COL15A1: variants seen among roughly 807,000 people sequenced by gnomAD.
COL15A1 encodes collagen type XV alpha 1 chain.
COL15A1 carries 111 observed loss-of-function variants against 165.9 expected under a neutral mutation model. The observed-to-expected ratio is 0.67, with a 90% CI of 0.57 to 0.78. COL15A1 has a LOEUF of 0.78. Among genes scored for constraint, COL15A1 ranks in the 30% least tolerant of loss-of-function variants. The pLI is 0.00. For synonymous variants in COL15A1, 659 were observed against 674.8 expected, an observed-to-expected ratio of 0.98 and a Z score of 0.36; for missense variants, 1,745 against 1,789.7, an observed-to-expected ratio of 0.98 and a Z score of 0.45.
intron 8 of COL15A1, among the ~76,000 whole-genome samples, chr9:99,004,635 T>G (rs1199429292): frequency 6.6e-6 from 1 of 152,190 alleles, no homozygotes; most frequent in East Asian, 1.9e-4. Flanking sequence ...GAAGGGCTAT[T>G]GGTGAGCACA....
At chr9:99,056,618 AGTTAT>A (rs1248961895) in intron 35 of COL15A1, among the ~76,000 whole-genome samples, 1 of 152,148 alleles carries the variant, frequency 6.6e-6, no homozygotes, top group Non-Finnish European at 1.5e-5. Context: ...ATATTCATGA[AGTTAT>A]GCAGTCATCA....
intron 39 of COL15A1, among the ~76,000 whole-genome samples, chr9:99,063,399 A>G (rs2117983353): frequency 6.6e-6 from 1 of 152,282 alleles, no homozygotes; most frequent in Middle Eastern, 3.4e-3. Context: ...AGAGAGGCAA[A>G]GGGAAGATGG....
At chr9:99,011,172 G>C (rs1002486530) in intron 9 of COL15A1, among the ~76,000 whole-genome samples, 1 of 152,140 alleles carries the variant, frequency 6.6e-6, no homozygotes, top group East Asian at 1.9e-4. Flanking sequence ...TTTATTAAGA[G>C]TAAAGCAATA....
At position 98,944,040 on chromosome 9, in the gene COL15A1, C is replaced by T. The variant is rs765553416; in HGVS notation, c.-22C>T. 1.2e-6 allele frequency: 2 copies of T among 1,613,802 alleles called. No homozygotes were observed. Among genetic ancestry groups the T allele is most frequent in the South Asian group, 2.2e-5 (2 of 91,040 alleles). ...TCTGCTCGACTAGCCGCGCGCCTTCCGGGGCTCCGCAGACCCGCGAGATGG... is the reference window on the plus strand; with the variant it reads ...TCTGCTCGACTAGCCGCGCGCCTTCTGGGGCTCCGCAGACCCGCGAGATGG... On this transcript the variant is annotated 5_prime_UTR_variant, in exon 1 of 42. Transcript: ENST00000375001.
intron 16 of COL15A1, among the ~76,000 whole-genome samples, chr9:99,027,565 C>T (rs1314479395): frequency 6.6e-6 from 1 of 152,096 alleles, no homozygotes; most frequent in Non-Finnish European, 1.5e-5. Context: ...CACACACACC[C>T]CTCCCATACT....
intron 39 of COL15A1, among the ~76,000 whole-genome samples, chr9:99,066,599 G>GTTTTTT (rs67961829): frequency 0.027 from 1,906 of 70,906 alleles, 194 homozygotes; most frequent in African/African-American, 0.076. Flanking sequence ...ATTTTGTTCT[G>GTTTTTT]TTTTTTTTTT....
At chr9:99,053,870 T>C (rs1825667179) in intron 31 of COL15A1, among the ~76,000 whole-genome samples, 1 of 152,182 alleles carries the variant, frequency 6.6e-6, no homozygotes. Context: ...TCACACCTCT[T>C]GGGAACGAGG....
chr9:99,068,540 A>C lies in COL15A1; in HGVS notation c.3838-15A>C, dbSNP rs1438487087. On this transcript the variant is annotated splice_polypyrimidine_tract_variant and intron_variant, in intron 40 of 41. Transcript: ENST00000375001. ...GATGGTATAATGATTCTAATGTGGT[A>C]TTTTGTCTCTATAGGGCCAAGTACT... The C allele has an allele frequency of 8.1e-7, 1 of 1,227,118 alleles. No individual in the cohort carries two copies. The highest frequency in any genetic ancestry group is 2.8e-5 in the East Asian group (1 of 35,428). The allele number at this position is 1,227,118 out of a possible 1,614,324, so 76.0% of individuals were successfully genotyped here.
chr9:99,055,420 T>C, intron 34 of COL15A1, 48 bp downstream of exon 34: 1 of 1,207,498 alleles, frequency 8.3e-7, no homozygotes, highest in Non-Finnish European at 1.2e-6. Context: ...CTTACAGCTT[T>C]CCCGGAAGCC....
chr9:99,006,088 C>T (rs1324993865), intron 9 of COL15A1, among the ~76,000 whole-genome samples: 1 of 152,224 alleles, frequency 6.6e-6, no homozygotes, highest in Non-Finnish European at 1.5e-5. Flanking sequence ...CTTCTCTCTG[C>T]TGAGAACCTT....
intron 2 of COL15A1, among the ~76,000 whole-genome samples, chr9:98,949,824 A>G (rs528485166): frequency 1.3e-5 from 2 of 152,338 alleles, no homozygotes; most frequent in African/African-American, 2.4e-5. Context: ...ATCTATGCCC[A>G]TTAATCAATT....
chr9:99,024,698 T>C (rs774206812), intron 14 of COL15A1, among the ~76,000 whole-genome samples, 176 bp from the exon 15 acceptor site: 4 of 152,250 alleles, frequency 2.6e-5, no homozygotes, highest in Non-Finnish European at 4.4e-5. Context: ...GCTGTGTGTC[T>C]GAGAGCCCTT....
At position 98,985,992 on chromosome 9, in the gene COL15A1, C is replaced by G. The variant is rs751192017; in HGVS notation, c.528C>G (p.Leu176=). Reference sequence around the variant, plus strand: ...TCCAGGGTGAGGAAGTGACCCTCCTCGTGAACTGTGAGGAGCACAGCCGCA... The same window carrying G: ...TCCAGGGTGAGGAAGTGACCCTCCTGGTGAACTGTGAGGAGCACAGCCGCA... ...MIVQGEEVTL[L]VNCEEHSRIP... The change falls in exon 3 of 42, where the codon CTC becomes CTG. Residue 176 remains leucine, a synonymous_variant. Coordinates refer to ENST00000375001, the MANE Select transcript of COL15A1 (RefSeq NM_001855.5). The G allele has an allele frequency of 1.2e-6, 2 of 1,614,148 alleles. No homozygotes were observed.
chr9:99,029,710 G>A (rs1251788416), intron 16 of COL15A1, among the ~76,000 whole-genome samples: 2 of 152,154 alleles, frequency 1.3e-5, no homozygotes, highest in African/African-American at 4.8e-5. Context: ...GATCACCTGA[G>A]GTCAGGAGTT....
intron 39 of COL15A1, among the ~76,000 whole-genome samples, chr9:99,066,599 G>GTTTTTTTTTTTGTTTTTTT (rs1825895496): frequency 2.8e-5 from 2 of 71,082 alleles, no homozygotes; most frequent in East Asian, 3.6e-4. Flanking sequence ...ATTTTGTTCT[G>GTTTTTTTTTTTGTTTTTTT]TTTTTTTTTT....
intron 23 of COL15A1, among the ~76,000 whole-genome samples, chr9:99,041,561 C>T (rs568949900): frequency 5.3e-5 from 8 of 151,998 alleles, no homozygotes; most frequent in South Asian, 2.1e-4. Flanking sequence ...AGAGAGGCTG[C>T]GGGAAGGGAG....
intron 5 of COL15A1, among the ~76,000 whole-genome samples, chr9:98,992,098 C>G (rs925763143): frequency 2.7e-4 from 41 of 152,378 alleles, no homozygotes; most frequent in African/African-American, 9.9e-4. Context: ...AGCGGCCTGC[C>G]AGTCCCACGC....
At chr9:99,035,935 A>G (rs1402745288) in intron 19 of COL15A1, among the ~76,000 whole-genome samples, 2 of 152,146 alleles carry the variant, frequency 1.3e-5, no homozygotes, top group African/African-American at 4.8e-5. Flanking sequence ...TCAGTCTAGC[A>G]CAGATTCAGG....
At chr9:98,980,896 C>T (rs1402481273) in intron 2 of COL15A1, among the ~76,000 whole-genome samples, 1 of 152,160 alleles carries the variant, frequency 6.6e-6, no homozygotes, top group African/African-American at 2.4e-5. Context: ...GAATATGCTG[C>T]TGGTGGGTCT....
Sources: gnomAD v4.1 joint callset for allele counts (sites outside exome capture counted in the v4.1 genomes callset) on GRCh38, gnomAD v4.1.1 for gene constraint, MANE v1.5 for transcripts, NCBI Gene and HGNC (gene_info 2026-07-23, HGNC 2026-07-21) for gene names.